Variants in TSC22D1 observed in about 807,000 individuals in gnomAD.
The protein encoded by TSC22D1 is TSC22 domain family protein 1.
A neutral mutation model predicts 74.2 loss-of-function variants in TSC22D1; 9 were observed. The ratio of observed to expected loss-of-function variants is 0.12; its 90% CI spans 0.07 to 0.21. The LOEUF is 0.21. TSC22D1 is among the 10% of genes least tolerant of loss of function. TSC22D1 has a pLI of 1.00. For synonymous variants in TSC22D1, 586 were observed against 492.5 expected (o/e 1.19, Z -2.51); for missense variants, 1,427 against 1,304.7 (o/e 1.09, Z -1.44).
At chr13:44,461,094 T>G (rs1876971556) in intron 1 of TSC22D1, among the ~76,000 whole-genome samples, 1 of 152,212 alleles carries the variant, frequency 6.6e-6, no homozygotes, top group African/African-American at 2.4e-5. Flanking sequence ...AGTGGAATGT[T>G]TATTGAACAG....
intron 1 of TSC22D1, among the ~76,000 whole-genome samples, chr13:44,565,022 G>A (rs1883277703): frequency 2.0e-5 from 3 of 152,146 alleles, no homozygotes; most frequent in Admixed American, 6.5e-5. Context: ...GAGGGGCTAG[G>A]TAATCAAGAG....
chr13:44,505,520 C>T (rs1355739631), intron 1 of TSC22D1, among the ~76,000 whole-genome samples: 1 of 152,150 alleles, frequency 6.6e-6, no homozygotes, highest in Non-Finnish European at 1.5e-5. Flanking sequence ...CACCACTGCA[C>T]TCCAGCCTGG....
intron 1 of TSC22D1, among the ~76,000 whole-genome samples, chr13:44,554,002 T>C (rs1308638209): frequency 6.6e-6 from 1 of 152,206 alleles, no homozygotes. Flanking sequence ...ACCGCTGCTT[T>C]AGAAAATTAT....
chr13:44,452,243 G>C (rs1281605743), intron 1 of TSC22D1, among the ~76,000 whole-genome samples: 1 of 152,156 alleles, frequency 6.6e-6, no homozygotes, highest in Non-Finnish European at 1.5e-5. Context: ...CCAATGTATA[G>C]CAAAAAGGAG....
chr13:44,489,515 GAC>G (rs1364676138), intron 1 of TSC22D1, among the ~76,000 whole-genome samples: 3 of 151,084 alleles, frequency 2.0e-5, no homozygotes, highest in Non-Finnish European at 3.0e-5. Context: ...AAAAAAAAAA[GAC>G]AAATAAACCA....
chr13:44,565,997 A>G (rs574683093), intron 1 of TSC22D1, among the ~76,000 whole-genome samples: 2 of 152,316 alleles, frequency 1.3e-5, no homozygotes, highest in South Asian at 4.1e-4. Context: ...AAACATGTCC[A>G]CCTTAACATT....
rs1874260615 is a variant in TSC22D1 at position 44,433,794 on chromosome 13, C to A, written c.*832G>T. On this transcript the variant is annotated 3_prime_UTR_variant, in exon 3 of 3. Coordinates refer to ENST00000458659, the MANE Select transcript of TSC22D1 (RefSeq NM_183422.4). ...ATTTCAGATTACACAAAGTGAGTAA[C>A]TGTGCCAAATTCTTAAAATTTCTTT... is the stretch of plus-strand genomic sequence containing the variant. 1.8e-6 allele frequency: 1 copy of A among 542,732 alleles called. No homozygotes were observed. The highest frequency in any genetic ancestry group is 3.1e-6 in the Non-Finnish European group (1 of 321,776). The allele number at this position is 542,732 out of a possible 1,614,324, so 33.6% of individuals were successfully genotyped here.
At chr13:44,485,196 T>C (rs1878371684) in intron 1 of TSC22D1, among the ~76,000 whole-genome samples, 1 of 152,114 alleles carries the variant, frequency 6.6e-6, no homozygotes, top group Non-Finnish European at 1.5e-5. Flanking sequence ...AAGAATAGAA[T>C]GCATGCTGCC....
intron 1 of TSC22D1, among the ~76,000 whole-genome samples, chr13:44,571,523 A>G (rs2138243910): frequency 6.6e-6 from 1 of 152,302 alleles, no homozygotes; most frequent in South Asian, 2.1e-4. Flanking sequence ...TGAATTCAAA[A>G]TGAGTGTTTT....
At chr13:44,496,837 ACT>A (rs1048347450) in intron 1 of TSC22D1, among the ~76,000 whole-genome samples, 10 of 152,146 alleles carry the variant, frequency 6.6e-5, no homozygotes, top group African/African-American at 2.2e-4. Flanking sequence ...ACAAAGTGAG[ACT>A]CTGTCTCAAA....
Position 44,498,098 on chromosome 13 carries a change from A to C in TSC22D1, c.2913-62003T>G, listed in dbSNP as rs1442537101. Among the ~76,000 whole-genome samples, 3 of 147,876 alleles carry C rather than the reference A, an allele frequency of 2.0e-5. No homozygotes were observed. In the East Asian group the frequency reaches 5.8e-4, roughly 29 times the overall value. On this transcript the variant is annotated intron_variant, in intron 1 of 2. Transcript: ENST00000458659. Reference sequence around the variant, plus strand: ...GCAACATGATAAAACCAAAAAAAAAACCAAAAAAAAAAATGTCTCCACAAA... The same window carrying C: ...GCAACATGATAAAACCAAAAAAAAACCCAAAAAAAAAAATGTCTCCACAAA...
intron 1 of TSC22D1, among the ~76,000 whole-genome samples, chr13:44,506,402 T>C (rs1243913801): frequency 6.6e-6 from 1 of 152,176 alleles, no homozygotes; most frequent in Non-Finnish European, 1.5e-5. Context: ...AAATGCCGCA[T>C]GTTCTCGCTT....
At chr13:44,550,041 C>T (rs1257994067) in intron 1 of TSC22D1, among the ~76,000 whole-genome samples, 5 of 152,126 alleles carry the variant, frequency 3.3e-5, no homozygotes, top group East Asian at 1.9e-4. Context: ...ATTTTGATAG[C>T]GACTAATCCA....
At chr13:44,500,612 T>A (rs2137981920) in intron 1 of TSC22D1, among the ~76,000 whole-genome samples, 1 of 152,316 alleles carries the variant, frequency 6.6e-6, no homozygotes, top group South Asian at 2.1e-4. Flanking sequence ...ATTTCTAAAT[T>A]ATAATCTTGA....
chr13:44,513,603 T>G (rs1242906607), intron 1 of TSC22D1, among the ~76,000 whole-genome samples: 6 of 152,206 alleles, frequency 3.9e-5, no homozygotes, highest in Non-Finnish European at 2.9e-5. Context: ...ACTCCAGAAA[T>G]AAAGTGAATT....
chr13:44,473,880 G>T (rs1566129742), intron 1 of TSC22D1, among the ~76,000 whole-genome samples: 1 of 152,144 alleles, frequency 6.6e-6, no homozygotes, highest in Non-Finnish European at 1.5e-5. Context: ...AATTTGTAAT[G>T]GCTTCAACTG....
chr13:44,539,741 C>A, intron 1 of TSC22D1: 1 of 1,246,120 alleles, frequency 8.0e-7, no homozygotes, highest in Non-Finnish European at 1.0e-6. Context: ...ATAAATTAAC[C>A]CAAGTAAATA....
At position 44,510,586 on chromosome 13, in the gene TSC22D1, A is replaced by ATGTTT. The variant is rs545628032; in HGVS notation, c.2912+62572_2912+62576dup. On this transcript the variant is annotated intron_variant, in intron 1 of 2. Coordinates refer to ENST00000458659, the MANE Select transcript of TSC22D1 (RefSeq NM_183422.4). Reference sequence around the variant, plus strand: ...AAGAATAAAGCTCTGGTACAGCCATATGTTTTGTTTTGTTTTGTTTTGTTT... The same window carrying ATGTTT: ...AAGAATAAAGCTCTGGTACAGCCATATGTTTTGTTTTGTTTTGTTTTGTTTTGTTT... Among the ~76,000 whole-genome samples the ATGTTT allele has an allele frequency of 3.6e-3, 551 of 152,138 alleles. 3 individuals carry two copies. The highest frequency in any genetic ancestry group is 7.9e-3 in the African/African-American group (329 of 41,516).
intron 1 of TSC22D1, among the ~76,000 whole-genome samples, chr13:44,445,139 A>G (rs1575730): frequency 0.97 from 147,155 of 152,036 alleles, 71,316 homozygotes; most frequent in Non-Finnish European, 1. Flanking sequence ...CAGACTAATA[A>G]CTACTTGCAT....
Sources: gnomAD v4.1 joint callset for allele counts (sites outside exome capture counted in the v4.1 genomes callset) on GRCh38, gnomAD v4.1.1 for gene constraint, MANE v1.5 for transcripts, NCBI Gene and HGNC (gene_info 2026-07-23, HGNC 2026-07-21) for gene names.